LRIG2: variants seen among roughly 807,000 people sequenced by gnomAD.
LRIG2 encodes leucine rich repeats and immunoglobulin like domains 2, also known as leucine-rich repeats and immunoglobulin-like domains protein 2.
LRIG2 carries 93 observed loss-of-function variants against 107.8 expected under a neutral mutation model. The ratio of observed to expected loss-of-function variants is 0.86; its 90% CI spans 0.73 to 1.03. The LOEUF is 1.03. Ranked by LOEUF, LRIG2 falls within the 50% of genes least tolerant of loss-of-function variation. The pLI is 0.00. For missense variants in LRIG2, 1,226 were observed against 1,296.0 expected, an observed-to-expected ratio of 0.95 and a Z score of 0.83; for synonymous variants, 471 against 470.6, an observed-to-expected ratio of 1.00 and a Z score of -0.01.
chr1:113,131,686 C>T lies in LRIG2; in HGVS notation c.*7585C>T, dbSNP rs902796390. 4.6e-5 allele frequency: 7 copies of T among 151,890 alleles called. No individual in the cohort carries two copies. The highest frequency in any genetic ancestry group is 1.7e-4 in the African/African-American group (7 of 41,328). 9.4% of individuals were successfully genotyped at this position (151,890 alleles called of 1,614,324 possible). On this transcript the variant is annotated 3_prime_UTR_variant, in exon 18 of 18. Coordinates refer to ENST00000361127, the MANE Select transcript of LRIG2 (RefSeq NM_014813.3). Reference sequence around the variant, plus strand: ...TTTTCTTTCTTTTTTGGACAATTGTCTGGTTCATTGACAAAAGTAACAAGT... The same window carrying T: ...TTTTCTTTCTTTTTTGGACAATTGTTTGGTTCATTGACAAAAGTAACAAGT...
At chr1:113,108,792 G>A (rs1024574438) in intron 12 of LRIG2, among the ~76,000 whole-genome samples, 4 of 152,014 alleles carry the variant, frequency 2.6e-5, no homozygotes, top group African/African-American at 7.2e-5. Flanking sequence ...CAGGAGAATC[G>A]CTTGAACCGA....
chr1:113,076,670 T>A (rs1652996127), intron 1 of LRIG2, among the ~76,000 whole-genome samples: 1 of 152,262 alleles, frequency 6.6e-6, no homozygotes, highest in Non-Finnish European at 1.5e-5. Flanking sequence ...TAATTTTGAA[T>A]GTTGAAATAC....
chr1:113,088,010 C>T (rs1418877314), intron 1 of LRIG2, among the ~76,000 whole-genome samples: 1 of 152,214 alleles, frequency 6.6e-6, no homozygotes, highest in Non-Finnish European at 1.5e-5. Context: ...CATGACTGAT[C>T]AGATCAATCC....
At chr1:113,099,409 A>ATTTTTTT (rs947346045) in intron 9 of LRIG2, among the ~76,000 whole-genome samples, 16 of 139,986 alleles carry the variant, frequency 1.1e-4, no homozygotes, top group Admixed American at 2.9e-4. Flanking sequence ...GCTAATTAAA[A>ATTTTTTT]TTTTTTTTTT....
At chr1:113,075,690 T>C (rs1652944714) in intron 1 of LRIG2, among the ~76,000 whole-genome samples, 1 of 122,926 alleles carries the variant, frequency 8.1e-6, no homozygotes, top group African/African-American at 2.8e-5. Context: ...ATGTGGCCTA[T>C]ACTTTTTTTT....
At chr1:113,099,811 C>T (rs1654230932) in intron 9 of LRIG2, among the ~76,000 whole-genome samples, 1 of 152,062 alleles carries the variant, frequency 6.6e-6, no homozygotes, top group Admixed American at 6.6e-5. Flanking sequence ...AGAATTTCTC[C>T]AAAGGTTCAC....
In LRIG2 at chr1:113,110,390, C is replaced by T. The variant is rs758894840; in HGVS notation, c.1626C>T (p.Asp542=). The T allele has an allele frequency of 3.1e-6, 5 of 1,614,112 alleles. No individual in the cohort carries two copies. Among genetic ancestry groups the T allele is most frequent in the South Asian group, 2.2e-5 (2 of 91,086 alleles). The change falls in exon 13 of 18, where the codon GAC becomes GAT. Residue 542 remains aspartate (D), a synonymous_variant. Coordinates refer to ENST00000361127, the MANE Select transcript of LRIG2 (RefSeq NM_014813.3). ...VWRKDSEILY[D]VDTENFVRYW... Reference sequence around the variant, plus strand: ...GCAAAGACAGTGAAATCCTGTATGACGTGGATACTGAGAATTTTGTTCGTT... The same window carrying T: ...GCAAAGACAGTGAAATCCTGTATGATGTGGATACTGAGAATTTTGTTCGTT...
Position 113,129,513 on chromosome 1 carries a change from A to G in LRIG2, c.*5412A>G, listed in dbSNP as rs1309702748. On this transcript the variant is annotated 3_prime_UTR_variant, in exon 18 of 18. Coordinates refer to ENST00000361127, the MANE Select transcript of LRIG2 (RefSeq NM_014813.3). ...CAATCTATTTAAATGTGAAGAGCCT[A>G]TCTCTGGTCTTTAAATAAACACACA... 4.0e-5 allele frequency: 6 copies of G among 150,644 alleles called. No individual in the cohort carries two copies. Among genetic ancestry groups the G allele is most frequent in the Non-Finnish European group, 8.9e-5 (6 of 67,632 alleles). The allele number at this position is 150,644 out of a possible 1,614,324, so 9.3% of individuals were successfully genotyped here. A position where few individuals can be genotyped will look rare whatever the true frequency, so the allele number is the denominator to read the frequency against.
rs1655566298 is a variant in LRIG2, at chr1:113,128,315, T to C, written c.*4214T>C. 6.6e-6 allele frequency: 1 copy of C among 152,178 alleles called. No individual in the cohort carries two copies. Among genetic ancestry groups the C allele is most frequent in the Non-Finnish European group, 1.5e-5 (1 of 68,038 alleles). The allele number at this position is 152,178 out of a possible 1,614,324, so 9.4% of individuals were successfully genotyped here. A position where few individuals can be genotyped will look rare whatever the true frequency, so the allele number is the denominator to read the frequency against. On this transcript the variant is annotated 3_prime_UTR_variant, in exon 18 of 18. Coordinates refer to ENST00000361127, the MANE Select transcript of LRIG2 (RefSeq NM_014813.3). ...CCCTTCAATCTGCGATCCCTCTTCT[T>C]CCTTTCTTACTAGATTATGGTGTAG...
intron 16 of LRIG2, among the ~76,000 whole-genome samples, chr1:113,116,797 A>G (rs1052129889): frequency 6.6e-6 from 1 of 152,128 alleles, no homozygotes; most frequent in African/African-American, 2.4e-5. Context: ...TCTTCCTGAC[A>G]GGTAGACATT....
At chr1:113,107,038 C>G (rs1049904732) in intron 11 of LRIG2, among the ~76,000 whole-genome samples, 1 of 152,124 alleles carries the variant, frequency 6.6e-6, no homozygotes, top group African/African-American at 2.4e-5. Flanking sequence ...CCCTCCTCCT[C>G]TCTCATTTTA....
intron 15 of LRIG2, among the ~76,000 whole-genome samples, chr1:113,115,532 T>A (rs1240066867): frequency 2.2e-4 from 33 of 147,274 alleles, no homozygotes; most frequent in Non-Finnish European, 2.7e-4. Context: ...TTTGTAAATT[T>A]TTTTTTTTTT....
At position 113,132,174 on chromosome 1, in the gene LRIG2, C is replaced by T. The variant is rs541821183; in HGVS notation, c.*8073C>T. The T allele has an allele frequency of 6.6e-6, 1 of 152,130 alleles. No individual in the cohort carries two copies. The highest frequency in any genetic ancestry group is 2.4e-5 in the African/African-American group (1 of 41,502). 9.4% of individuals were successfully genotyped at this position (152,130 alleles called of 1,614,324 possible). On this transcript the variant is annotated 3_prime_UTR_variant, in exon 18 of 18. Transcript: ENST00000361127. ...TAGTATCTGTTTATATTTTGTCACA[C>T]ATCAGAATGTATATTTTATAGAGCA...
In LRIG2 at chr1:113,096,487, G is replaced by A. The variant is rs1654074810; in HGVS notation, c.1091+122G>A. On this transcript the variant is annotated intron_variant, in intron 8 of 17. Transcript: ENST00000361127. ...TATGCTAACATTTTGTGGTTCTTCTGTCCTATGCCTCAGAGCAAGGCAGTC... is the reference window on the plus strand; with the variant it reads ...TATGCTAACATTTTGTGGTTCTTCTATCCTATGCCTCAGAGCAAGGCAGTC... The A allele has an allele frequency of 4.8e-6, 5 of 1,039,656 alleles. No homozygotes were observed. In the South Asian group the frequency reaches 6.3e-5, roughly 13 times the overall value. The allele number at this position is 1,039,656 out of a possible 1,614,324, so 64.4% of individuals were successfully genotyped here.
At chr1:113,114,188 C>T (rs1014101376) in intron 14 of LRIG2, among the ~76,000 whole-genome samples, 1 of 151,976 alleles carries the variant, frequency 6.6e-6, no homozygotes, top group African/African-American at 2.4e-5. Context: ...CTGCTCACCC[C>T]CTCCAGCTAT....
chr1:113,117,011 C>G (rs1193573080), intron 16 of LRIG2, among the ~76,000 whole-genome samples: 1 of 152,154 alleles, frequency 6.6e-6, no homozygotes, highest in Non-Finnish European at 1.5e-5. Context: ...CAAATGGTAG[C>G]AATGGTTCTC....
Position 113,093,470 on chromosome 1 carries a change from C to A in LRIG2, c.421C>A (p.Gln141Lys). Residue 141 changes from glutamine (Q) to lysine (K), a missense_variant, in exon 4 of 18, where the codon CAG becomes AAG. Physicochemically the swap from Gln to Lys is moderately conservative, Grantham distance 53 (BLOSUM62 1). Coordinates refer to ENST00000361127, the MANE Select transcript of LRIG2 (RefSeq NM_014813.3). ...IIPEINAQAL[Q>K]FYPALESLDL... ...CCCAGAAATAAATGCACAGGCACTC[C>A]AGTTTTACCCTGCTCTGGAGAGTTT... The A allele has an allele frequency of 1.2e-6, 2 of 1,613,440 alleles. No individual in the cohort carries two copies. Among genetic ancestry groups the A allele is most frequent in the Non-Finnish European group, 1.7e-6 (2 of 1,179,472 alleles).
At chr1:113,075,521 C>T (rs976433939) in intron 1 of LRIG2, among the ~76,000 whole-genome samples, 25 of 152,064 alleles carry the variant, frequency 1.6e-4, no homozygotes, top group Admixed American at 1.4e-3. Context: ...TTAAAAACTC[C>T]TATCAGTGTG....
In LRIG2 at chr1:113,105,590, C is replaced by T. The variant is rs76482868; in HGVS notation, c.1314-2004C>T. 5.3e-5 allele frequency among the ~76,000 whole-genome samples: 8 copies of T among 152,194 alleles called. No individual in the cohort carries two copies. In the East Asian group the frequency reaches 1.5e-3, roughly 29 times the overall value. On this transcript the variant is annotated intron_variant, in intron 11 of 17. Coordinates refer to ENST00000361127, the MANE Select transcript of LRIG2 (RefSeq NM_014813.3). ...ATTATAAATATGACTTTTAAAGTAA[C>T]CAAAAGCAACCAACAATTCTCAGTA...
Sources: gnomAD v4.1 joint callset for allele counts (sites outside exome capture counted in the v4.1 genomes callset) on GRCh38, gnomAD v4.1.1 for gene constraint, MANE v1.5 for transcripts, NCBI Gene and HGNC (gene_info 2026-07-23, HGNC 2026-07-21) for gene names.